Variants in RGS7 observed in about 807,000 individuals in gnomAD.
RGS7 encodes regulator of G protein signaling 7, also known as regulator of G-protein signaling 7.
RGS7 carries 27 observed loss-of-function variants against 81.1 expected under a neutral mutation model. The observed-to-expected ratio is 0.33, with a 90% CI of 0.25 to 0.46. RGS7 has a LOEUF of 0.46. Among genes scored for constraint, RGS7 ranks in the 20% least tolerant of loss-of-function variants. The probability of loss-of-function intolerance (pLI) is 1.00; values close to 1 mark genes in which losing one functional copy is unlikely to be tolerated. For missense variants in RGS7, 396 were observed against 607.4 expected (o/e 0.65, Z 3.66); for synonymous variants, 208 against 207.7 (o/e 1.00, Z -0.01).
intron 2 of RGS7, among the ~76,000 whole-genome samples, chr1:241,154,940 A>T (rs1379247838): frequency 1.3e-5 from 2 of 152,238 alleles, no homozygotes; most frequent in Non-Finnish European, 2.9e-5. Context: ...TTTTAAAAAA[A>T]GAATGTCACG....
At chr1:241,065,614 T>C (rs779338817) in intron 3 of RGS7, among the ~76,000 whole-genome samples, 1 of 152,214 alleles carries the variant, frequency 6.6e-6, no homozygotes, top group Non-Finnish European at 1.5e-5. Context: ...AAAATTTAGA[T>C]GTGAAATTAA....
At chr1:241,260,127 T>C (rs72760534) in intron 2 of RGS7, among the ~76,000 whole-genome samples, 24,297 of 152,218 alleles carry the variant, frequency 0.16, 2,067 homozygotes, top group Admixed American at 0.24. Context: ...GCCTTCACCA[T>C]GGAACTCTTC....
chr1:240,889,580 G>A (rs1004021531), intron 6 of RGS7, among the ~76,000 whole-genome samples: 3 of 152,174 alleles, frequency 2.0e-5, no homozygotes, highest in African/African-American at 4.8e-5. Flanking sequence ...TCCGCTTCTA[G>A]GAGGCGACTG....
intron 3 of RGS7, chr1:240,998,747 C>T (rs933071937): frequency 1.6e-5 from 13 of 803,434 alleles, no homozygotes; most frequent in African/African-American, 6.8e-5. Flanking sequence ...CATCATCGTG[C>T]GGAATGAGGG....
At chr1:241,123,488 C>A (rs1175431981) in intron 2 of RGS7, among the ~76,000 whole-genome samples, 1 of 152,190 alleles carries the variant, frequency 6.6e-6, no homozygotes, top group Admixed American at 6.5e-5. Flanking sequence ...CGGTGGCTCA[C>A]GCCTGTAATC....
At chr1:240,893,828 A>C in intron 6 of RGS7, among the ~76,000 whole-genome samples, 1 of 152,168 alleles carries the variant, frequency 6.6e-6, no homozygotes, top group East Asian at 1.9e-4. Flanking sequence ...CTGATATATT[A>C]TTGTTATGTG....
rs768746144 is a variant in RGS7 at position 241,098,653 on chromosome 1, C to T, written c.175+13G>A. ...TACAGGAGAAAACAGAACTGTGCTC[C>T]ATGCAGACTTACCAGAGAAGACGCT... On this transcript the variant is annotated intron_variant, in intron 3 of 18. Transcript: ENST00000440928. 13 of 1,570,378 alleles carry T rather than the reference C, an allele frequency of 8.3e-6. No individual in the cohort carries two copies. The Admixed American group carries it at 2.0e-4, about 24-fold the overall frequency.
At chr1:241,140,191 T>C (rs1295027272) in intron 2 of RGS7, among the ~76,000 whole-genome samples, 1 of 152,204 alleles carries the variant, frequency 6.6e-6, no homozygotes, top group Non-Finnish European at 1.5e-5. Flanking sequence ...GCTCCCTCAC[T>C]GTGGGCTGCA....
chr1:241,044,356 C>T (rs1165700733), intron 3 of RGS7, among the ~76,000 whole-genome samples: 4 of 152,036 alleles, frequency 2.6e-5, no homozygotes, highest in Non-Finnish European at 5.9e-5. Flanking sequence ...GTGATCTGCC[C>T]GCCTTGGCCT....
intron 4 of RGS7, among the ~76,000 whole-genome samples, chr1:240,968,067 T>A (rs948843134): frequency 2.0e-5 from 3 of 152,176 alleles, no homozygotes; most frequent in African/African-American, 7.2e-5. Context: ...GCAGATCAGT[T>A]CGTGAGGGCC....
chr1:241,253,561 T>C (rs1010289941), intron 2 of RGS7, among the ~76,000 whole-genome samples: 4 of 152,180 alleles, frequency 2.6e-5, no homozygotes, highest in African/African-American at 9.7e-5. Context: ...GAGGCAACGA[T>C]GAAATAGCTC....
chr1:240,821,531 T>G (rs932705221), intron 10 of RGS7, among the ~76,000 whole-genome samples: 2 of 152,250 alleles, frequency 1.3e-5, no homozygotes, highest in Non-Finnish European at 2.9e-5. Context: ...TACCCTTTAC[T>G]TGACACACTT....
chr1:240,884,764 A>C (rs1425083477), intron 6 of RGS7, among the ~76,000 whole-genome samples: 1 of 152,254 alleles, frequency 6.6e-6, no homozygotes, highest in Admixed American at 6.5e-5. Context: ...CTTAAGATGG[A>C]TTAAATACTT....
rs1246677774 is a variant in RGS7, at chr1:240,857,259, G to A, written c.609+11328C>T. Among the ~76,000 whole-genome samples the A allele has an allele frequency of 2.0e-5, 3 of 152,092 alleles. No individual in the cohort carries two copies. The East Asian group carries it at 5.8e-4, about 29-fold the overall frequency. ...TATTTTTGAGTAGTTTAGGTTTACA[G>A]AAAATTGAGTACAGAGAACAGAGAA... On this transcript the variant is annotated intron_variant, in intron 9 of 18. Coordinates refer to ENST00000440928, the MANE Select transcript of RGS7 (RefSeq NM_001364886.1).
At chr1:241,218,241 A>G (rs1348613160) in intron 2 of RGS7, among the ~76,000 whole-genome samples, 4 of 152,176 alleles carry the variant, frequency 2.6e-5, no homozygotes, top group Non-Finnish European at 5.9e-5. Flanking sequence ...ATGGAATTTA[A>G]TATGTAAAAT....
In RGS7 at chr1:241,266,432, C is replaced by T. The variant is rs1192207907; in HGVS notation, c.78+89267G>A. ...TCATGGAGTTCGGTATTGCCAAGATCACACACTTATTCCATTCTTTAATTT... is the reference window on the plus strand; with the variant it reads ...TCATGGAGTTCGGTATTGCCAAGATTACACACTTATTCCATTCTTTAATTT... On this transcript the variant is annotated intron_variant, in intron 2 of 18. Coordinates refer to ENST00000440928, the MANE Select transcript of RGS7 (RefSeq NM_001364886.1). Among the ~76,000 whole-genome samples the T allele has an allele frequency of 2.6e-5, 4 of 152,216 alleles. No individual in the cohort carries two copies. The South Asian group carries it at 8.3e-4, about 31-fold the overall frequency.
chr1:241,262,675 C>T (rs1222862063), intron 2 of RGS7, among the ~76,000 whole-genome samples: 1 of 152,108 alleles, frequency 6.6e-6, no homozygotes, highest in Non-Finnish European at 1.5e-5. Flanking sequence ...TGAAGACTCC[C>T]TAAGTGTTTA....
chr1:241,085,351 T>G (rs922878652), intron 3 of RGS7, among the ~76,000 whole-genome samples: 2 of 152,162 alleles, frequency 1.3e-5, no homozygotes, highest in African/African-American at 4.8e-5. Flanking sequence ...TCCAGAGATA[T>G]TACCTGAAGT....
chr1:240,975,794 C>A (rs1033550963), intron 4 of RGS7, among the ~76,000 whole-genome samples: 1 of 152,252 alleles, frequency 6.6e-6, no homozygotes, highest in African/African-American at 2.4e-5. Flanking sequence ...TTTGCAAACT[C>A]AACCCGAAGG....
Sources: gnomAD v4.1 joint callset for allele counts (sites outside exome capture counted in the v4.1 genomes callset) on GRCh38, gnomAD v4.1.1 for gene constraint, MANE v1.5 for transcripts, NCBI Gene and HGNC (gene_info 2026-07-23, HGNC 2026-07-21) for gene names.